Variants in SAMM50 observed in about 807,000 individuals in gnomAD.
SAMM50 encodes SAMM50 sorting and assembly machinery component, also known as sorting and assembly machinery component 50 homolog.
A neutral mutation model predicts 66.9 loss-of-function variants in SAMM50; 47 were observed. The ratio of observed to expected loss-of-function variants is 0.70; its 90% CI spans 0.56 to 0.90. The LOEUF (loss-of-function observed/expected upper bound fraction) is 0.90. Ranked by LOEUF, SAMM50 falls within the 40% of genes least tolerant of loss-of-function variation. SAMM50 has a pLI of 0.00. For missense variants in SAMM50, 535 were observed against 595.3 expected (o/e 0.90, Z 1.05); for synonymous variants, 191 against 214.1 (o/e 0.89, Z 0.94).
chr22:43,967,734 C>G (rs986718384), intron 3 of SAMM50, among the ~76,000 whole-genome samples: 3 of 95,606 alleles, frequency 3.1e-5, no homozygotes, highest in African/African-American at 1.5e-4. Flanking sequence ...TACAGTGACT[C>G]CCTTTCACCT....
intron 8 of SAMM50, 142 bp downstream of exon 8, chr22:43,976,325 G>A (rs1032795857): frequency 5.3e-6 from 5 of 935,938 alleles, no homozygotes; most frequent in Middle Eastern, 2.4e-4. Context: ...CCCACTCCCC[G>A]AGGGCTTGTG....
chr22:43,982,620 C>T (rs554512231), intron 11 of SAMM50, among the ~76,000 whole-genome samples: 3 of 152,184 alleles, frequency 2.0e-5, no homozygotes, highest in Non-Finnish European at 2.9e-5. Flanking sequence ...TGTGATTTAT[C>T]GTTTCTTTTT....
At chr22:43,956,386 C>G (rs369101608) in intron 1 of SAMM50, among the ~76,000 whole-genome samples, 6 of 152,292 alleles carry the variant, frequency 3.9e-5, no homozygotes, top group East Asian at 1.9e-4. Context: ...TCAGTAGTTC[C>G]CCATTAACTT....
At chr22:43,955,848 G>A (rs917749663) in intron 1 of SAMM50, among the ~76,000 whole-genome samples, 6 of 152,240 alleles carry the variant, frequency 3.9e-5, no homozygotes, top group Admixed American at 6.5e-5. Context: ...TGGCCCAAAG[G>A]ACTTGCCAAC....
rs10452 is a variant in SAMM50, at chr22:43,983,942, T to C, written c.1017T>C (p.Leu339=). 0.59 allele frequency: 951,793 copies of C among 1,603,544 alleles called. 287,252 individuals are homozygous for C. The highest frequency in any genetic ancestry group is 0.85 in the East Asian group (37,618 of 44,384). Reference sequence around the variant, plus strand: ...TGCTGTTTTGTCCTAGGTTTTACCTTGGGGGACCCACAAGCATCCGCGGAT... The same window carrying C: ...TGCTGTTTTGTCCTAGGTTTTACCTCGGGGGACCCACAAGCATCCGCGGAT... ...KPSSIADRFY[L]GGPTSIRGFS... Residue 339 remains leucine, a synonymous_variant, in exon 12 of 15, where the codon CTT becomes CTC. Transcript: ENST00000350028. This position sits in a 1 kb window ranked among gnomAD's most constrained non-coding sequence, Gnocchi z 4.2.
At chr22:43,966,017 T>G (rs936681984) in intron 3 of SAMM50, among the ~76,000 whole-genome samples, 3 of 152,120 alleles carry the variant, frequency 2.0e-5, no homozygotes, top group African/African-American at 7.2e-5. Flanking sequence ...TTTTAAAGTT[T>G]TTCTGTAGAG....
At chr22:43,984,040 C>G in intron 12 of SAMM50, 40 bp downstream of exon 12, 1 of 1,561,084 alleles carries the variant, frequency 6.4e-7, no homozygotes, top group Non-Finnish European at 8.7e-7. Context: ...CTAGAAGGCT[C>G]GCGTCTCACT....
At chr22:43,959,228 A>G (rs1201293635) in intron 1 of SAMM50, among the ~76,000 whole-genome samples, 2 of 152,038 alleles carry the variant, frequency 1.3e-5, no homozygotes, top group Non-Finnish European at 2.9e-5. Flanking sequence ...CATGTTGTCC[A>G]GGCTGGTCCT....
intron 1 of SAMM50, chr22:43,957,234 G>A: frequency 1.5e-6 from 1 of 666,216 alleles, no homozygotes; most frequent in Non-Finnish European, 2.8e-6. Context: ...TCTGGGGAAA[G>A]GTAACTCGGG....
At chr22:43,995,934 G>A (rs994121519) in intron 14 of SAMM50, among the ~76,000 whole-genome samples, 1 of 152,136 alleles carries the variant, frequency 6.6e-6, no homozygotes, top group East Asian at 1.9e-4. Flanking sequence ...TCTGGGGGCC[G>A]GGCGGACCTT....
At chr22:43,996,080 A>C in intron 14 of SAMM50, 1 of 579,822 alleles carries the variant, frequency 1.7e-6, no homozygotes, top group Non-Finnish European at 3.1e-6. Flanking sequence ...GTGAGGAGGG[A>C]GTAGTGCAGG....
chr22:43,968,676 C>A, intron 3 of SAMM50, 55 bp from the exon 4 acceptor site: 2 of 1,248,022 alleles, frequency 1.6e-6, no homozygotes, highest in South Asian at 2.4e-5. Flanking sequence ...CTGCCATTTG[C>A]TGTTTCTGTA....
At chr22:43,964,283 T>C (rs2146807891) in intron 2 of SAMM50, among the ~76,000 whole-genome samples, 169 bp from the exon 3 acceptor site, 1 of 152,306 alleles carries the variant, frequency 6.6e-6, no homozygotes, top group Non-Finnish European at 1.5e-5. Context: ...TCACAGTGAC[T>C]GGTTTTTTGA....
In SAMM50 at chr22:43,955,987, C is replaced by G. The variant is rs1410769427; in HGVS notation, c.21+389C>G. Among the ~76,000 whole-genome samples the G allele has an allele frequency of 2.0e-5, 3 of 152,202 alleles. No homozygotes were observed. In the South Asian group the frequency reaches 6.2e-4, roughly 32 times the overall value. On this transcript the variant is annotated intron_variant, in intron 1 of 14. Transcript: ENST00000350028. ...CTGGAGCCATTGTAGGCTCCTAGAG[C>G]AACAAGAATCCTTTGAAGTCTTCTA...
rs1248649860 is a variant in SAMM50 at position 43,983,027 on chromosome 22, A to G, written c.1008-906A>G. 2.6e-5 allele frequency among the ~76,000 whole-genome samples: 4 copies of G among 152,268 alleles called. No homozygotes were observed. The South Asian group carries it at 8.3e-4, about 31-fold the overall frequency. The stretch of plus-strand genomic sequence containing the variant: ...AAAGCCTTGCTTAGAAATCCCAAGT[A>G]GTAAAAACATATTTATAGGTTTTAA... On this transcript the variant is annotated intron_variant, in intron 11 of 14. Coordinates refer to ENST00000350028, the MANE Select transcript of SAMM50 (RefSeq NM_015380.5). The surrounding 1 kb of genome is among the most constrained non-coding windows in gnomAD (Gnocchi z 4.2).
intron 3 of SAMM50, among the ~76,000 whole-genome samples, chr22:43,966,587 C>T (rs2050174534): frequency 6.6e-6 from 1 of 152,088 alleles, no homozygotes; most frequent in African/African-American, 2.4e-5. Flanking sequence ...AACTCCTGAC[C>T]TCAGGTAATC....
Position 43,977,854 on chromosome 22 carries a change from A to C in SAMM50, c.850-18A>C, listed in dbSNP as rs2050240983. ...AAGTCTGTTTGCTCCCTTTGACCTG[A>C]GTGCTCCTTCCCTGCAGGAACTGGC... On this transcript the variant is annotated intron_variant, in intron 9 of 14. Coordinates refer to ENST00000350028, the MANE Select transcript of SAMM50 (RefSeq NM_015380.5). The C allele has an allele frequency of 1.9e-6, 3 of 1,590,402 alleles. No individual in the cohort carries two copies. The highest frequency in any genetic ancestry group is 1.7e-5 in the Admixed American group (1 of 59,796).
intron 8 of SAMM50, 65 bp from the exon 9 acceptor site, chr22:43,976,684 TG>T: frequency 8.3e-7 from 1 of 1,200,912 alleles, no homozygotes; most frequent in Admixed American, 1.7e-5. Flanking sequence ...CCACGTGCTG[TG>T]AGTGCTCATG....
chr22:43,964,553 G>A lies in SAMM50; in HGVS notation c.234G>A (p.Glu78=). ...TTTTCAAGGCCAAAAACCTAATTGA[G>A]GTAGGTGTGGTCTCTACATGGTGTG... The part of the protein sequence containing the change: ...GDVFKAKNLI[E]VMRKSHEARE... The change falls in exon 3 of 15, where the codon GAG becomes GAA. Residue 78 remains glutamate, a splice_region_variant and synonymous_variant. Transcript: ENST00000350028. 1 of 1,519,184 alleles carries A rather than the reference G, an allele frequency of 6.6e-7. No individual in the cohort carries two copies. The highest frequency in any genetic ancestry group is 9.1e-7 in the Non-Finnish European group (1 of 1,093,616). 94.1% of individuals were successfully genotyped at this position (1,519,184 alleles called of 1,614,324 possible).
Sources: allele counts gnomAD v4.1 joint callset (sites outside exome capture counted in the v4.1 genomes callset), GRCh38; gene constraint gnomAD v4.1.1; non-coding constraint Gnocchi (gnomAD v3.1); transcripts MANE v1.5; gene names NCBI Gene and HGNC (gene_info 2026-07-23, HGNC 2026-07-21).